MYO5C: variants seen among roughly 807,000 people sequenced by gnomAD.
MYO5C encodes unconventional myosin-Vc.
MYO5C carries 194 observed loss-of-function variants against 235.7 expected under a neutral mutation model. That is an observed-to-expected ratio of 0.82 (90% CI 0.73 to 0.93). The LOEUF is 0.93. Ranked by LOEUF, MYO5C falls within the 40% of genes least tolerant of loss-of-function variation. The pLI is 0.00. For missense variants in MYO5C, 2,038 were observed against 2,127.2 expected (o/e 0.96, Z 0.82); for synonymous variants, 707 against 754.8 (o/e 0.94, Z 1.04).
intron 38 of MYO5C, among the ~76,000 whole-genome samples, chr15:52,203,546 A>C (rs920139596): frequency 6.6e-6 from 1 of 151,868 alleles, no homozygotes; most frequent in African/African-American, 2.4e-5. Context: ...GGGTTTTGCC[A>C]TGTTGGCCAG....
At chr15:52,229,667 A>G (rs1479910859) in intron 24 of MYO5C, among the ~76,000 whole-genome samples, 5 of 152,230 alleles carry the variant, frequency 3.3e-5, no homozygotes, top group Admixed American at 1.3e-4. Context: ...AATTGTCTCT[A>G]CAGTCTTTAC....
intron 8 of MYO5C, chr15:52,265,248 T>C (rs4448882): frequency 0.95 from 144,776 of 152,398 alleles, 69,174 homozygotes; most frequent in Non-Finnish European, 1. Context: ...GAAAACCAGC[T>C]GCTAGAAAGG....
At position 52,277,197 on chromosome 15, in the gene MYO5C, C is replaced by A. The variant is rs749505628; in HGVS notation, c.450-1479G>T. ...GTTCTACAGCCCTGAGGGACACTAC[C>A]TGTCTAGCATCAAACAAGGCCAACA... On this transcript the variant is annotated intron_variant, in intron 4 of 40. Coordinates refer to ENST00000261839, the MANE Select transcript of MYO5C (RefSeq NM_018728.4). 4 of 530,658 alleles carry A rather than the reference C, an allele frequency of 7.5e-6. No individual in the cohort carries two copies. In the East Asian group the frequency reaches 2.2e-4, roughly 29 times the overall value. The allele number at this position is 530,658 out of a possible 1,614,324, so 32.9% of individuals were successfully genotyped here.
In MYO5C at chr15:52,232,141, GAGGAAGGAA is replaced by G. The variant is rs1276197585; in HGVS notation, c.3026+472_3026+480del. On this transcript the variant is annotated intron_variant, in intron 24 of 40. Transcript: ENST00000261839. Reference sequence around the variant, plus strand: ...AAGAAAGAGAAAAGAAAGAAAAGGAGAGGAAGGAAAGGAAGGAAAGGAAGGGAAGGAAGG... The same window carrying G: ...AAGAAAGAGAAAAGAAAGAAAAGGAGAGGAAGGAAAGGAAGGGAAGGAAGG... Among the ~76,000 whole-genome samples, 418 of 79,696 alleles carry G rather than the reference GAGGAAGGAA, an allele frequency of 5.2e-3. 28 individuals carry two copies. The highest frequency in any genetic ancestry group is 0.037 in the Middle Eastern group (5 of 136). The allele number at this position is 79,696 out of a possible 152,430, so 52.3% of individuals were successfully genotyped here.
chr15:52,233,297 A>AAAT (rs1364145771), intron 23 of MYO5C, among the ~76,000 whole-genome samples: 3 of 12,088 alleles, frequency 2.5e-4, no homozygotes, highest in African/African-American at 3.5e-4. Flanking sequence ...AAAAAAAAAA[A>AAAT]TTAAAAAAAA....
intron 8 of MYO5C, among the ~76,000 whole-genome samples, chr15:52,267,822 G>A (rs998708743): frequency 2.0e-5 from 3 of 152,142 alleles, no homozygotes; most frequent in African/African-American, 7.2e-5. Flanking sequence ...CATAATAGAG[G>A]TGGGAGAGAG....
At chr15:52,295,553 G>C in intron 1 of MYO5C, 57 bp downstream of exon 1, 2 of 1,494,882 alleles carry the variant, frequency 1.3e-6, no homozygotes, top group Non-Finnish European at 1.8e-6. Flanking sequence ...GGTCGAGTCA[G>C]CGTTAGCAGG....
In MYO5C at chr15:52,264,406, G is replaced by A. The variant is rs1223893963; in HGVS notation, c.941-110C>T. On this transcript the variant is annotated intron_variant, in intron 8 of 40. Transcript: ENST00000261839. Reference sequence around the variant, plus strand: ...CAGGTAGCATCAGTGCCAAGCTCTGGGACAGGAACGTGAAGTGGACCCCAG... The same window carrying A: ...CAGGTAGCATCAGTGCCAAGCTCTGAGACAGGAACGTGAAGTGGACCCCAG... 13 of 851,532 alleles carry A rather than the reference G, an allele frequency of 1.5e-5. No homozygotes were observed. The East Asian group carries it at 3.4e-4, about 23-fold the overall frequency. The allele number at this position is 851,532 out of a possible 1,614,324, so 52.7% of individuals were successfully genotyped here. A position where few individuals can be genotyped will look rare whatever the true frequency, so the allele number is the denominator to read the frequency against.
At position 52,269,756 on chromosome 15, in the gene MYO5C, GA is replaced by G; in HGVS notation, c.936del (p.Leu313TrpfsTer43). ...EMVETQKTFT[L>X]LGFKEDFQMD... ...TGGATGGGATATTTTCCCTTACCCA[GA>G]AGCGTGAAGGTCTTTTGAGTCTCTA... On this transcript the variant is annotated frameshift_variant, in exon 8 of 41. Transcript: ENST00000261839. LOFTEE classifies it high-confidence loss of function. The G allele has an allele frequency of 6.2e-7, 1 of 1,601,220 alleles. No individual in the cohort carries two copies. Among genetic ancestry groups the G allele is most frequent in the Non-Finnish European group, 8.6e-7 (1 of 1,169,224 alleles).
chr15:52,276,976 G>A (rs1446935717), intron 4 of MYO5C: 1 of 391,336 alleles, frequency 2.6e-6, no homozygotes, highest in South Asian at 1.9e-5. Flanking sequence ...AGAGTAAAAT[G>A]GTGACTCAGG....
At chr15:52,200,466 G>T (rs553823054) in intron 38 of MYO5C, among the ~76,000 whole-genome samples, 1 of 152,252 alleles carries the variant, frequency 6.6e-6, no homozygotes, top group African/African-American at 2.4e-5. Flanking sequence ...TACTTGGGAG[G>T]CTGAGGCACG....
chr15:52,260,256 T>G (rs1025306922), intron 10 of MYO5C, among the ~76,000 whole-genome samples: 1 of 152,176 alleles, frequency 6.6e-6, no homozygotes, highest in Non-Finnish European at 1.5e-5. Context: ...GGAGGAGGGC[T>G]GGGGAAAATC....
In MYO5C at chr15:52,278,862, C is replaced by T. The variant is rs2037104741; in HGVS notation, c.449+11G>A. On this transcript the variant is annotated intron_variant, in intron 4 of 40. Transcript: ENST00000261839. ...CAGAGCAAGGGGAAGTCCAGCTTGG[C>T]AGGAAGCTACCTGGCCATCTGCTTG... 1.2e-6 allele frequency: 2 copies of T among 1,613,078 alleles called. No individual in the cohort carries two copies. The highest frequency in any genetic ancestry group is 2.7e-5 in the African/African-American group (2 of 75,008).
In MYO5C at chr15:52,275,640, C is replaced by T; in HGVS notation, c.528G>A (p.Arg176=). 1 of 1,614,172 alleles carries T rather than the reference C, an allele frequency of 6.2e-7. No individual in the cohort carries two copies. The highest frequency in any genetic ancestry group is 8.5e-7 in the Non-Finnish European group (1 of 1,180,024). ...CCGATTTGCTGACGGTGGCAAAGTACCTCATGGCATAGCGAGCCGACACTG... is the reference window on the plus strand; with the variant it reads ...CCGATTTGCTGACGGTGGCAAAGTATCTCATGGCATAGCGAGCCGACACTG... ...GKTVSARYAM[R]YFATVSKSGS... Residue 176 remains arginine, a synonymous_variant, in exon 5 of 41, where the codon AGG becomes AGA. Coordinates refer to ENST00000261839, the MANE Select transcript of MYO5C (RefSeq NM_018728.4).
At chr15:52,272,534 G>A in intron 6 of MYO5C, 46 bp downstream of exon 6, 2 of 1,594,804 alleles carry the variant, frequency 1.3e-6, no homozygotes, top group Non-Finnish European at 1.7e-6. Flanking sequence ...GTATGTAAAT[G>A]TAAATAATGC....
intron 8 of MYO5C, among the ~76,000 whole-genome samples, chr15:52,266,200 G>C (rs957604318): frequency 4.6e-5 from 2 of 43,892 alleles, no homozygotes; most frequent in African/African-American, 1.1e-4. Context: ...CAAGACCTGC[G>C]TTAAGTAATC....
At position 52,193,032 on chromosome 15, in the gene MYO5C, T is replaced by C. The variant is rs374446673; in HGVS notation, c.*870A>G. On this transcript the variant is annotated 3_prime_UTR_variant, in exon 41 of 41. Coordinates refer to ENST00000261839, the MANE Select transcript of MYO5C (RefSeq NM_018728.4). Reference sequence around the variant, plus strand: ...TGAACACTCTTAAAAATTAAAAGGGTCAGCCGGGCGCGGTGGCACACGCCT... The same window carrying C: ...TGAACACTCTTAAAAATTAAAAGGGCCAGCCGGGCGCGGTGGCACACGCCT... The C allele has an allele frequency of 1.3e-5, 2 of 151,990 alleles. No individual in the cohort carries two copies. Among genetic ancestry groups the C allele is most frequent in the African/African-American group, 4.8e-5 (2 of 41,386 alleles). The allele number at this position is 151,990 out of a possible 1,614,324, so 9.4% of individuals were successfully genotyped here.
At chr15:52,242,324 C>T (rs1033576153) in intron 19 of MYO5C, 111 bp from the exon 20 acceptor site, 14 of 1,139,058 alleles carry the variant, frequency 1.2e-5, no homozygotes, top group Non-Finnish European at 1.4e-5. Flanking sequence ...AAATATTTTA[C>T]ACCTCTCCAC....
At chr15:52,234,523 G>A (rs1415165807) in intron 23 of MYO5C, among the ~76,000 whole-genome samples, 3 of 152,170 alleles carry the variant, frequency 2.0e-5, no homozygotes, top group Non-Finnish European at 4.4e-5. Context: ...AGAGGAGTGT[G>A]CTGTAATAAA....
Sources: allele counts gnomAD v4.1 joint callset (sites outside exome capture counted in the v4.1 genomes callset), GRCh38; gene constraint gnomAD v4.1.1; transcripts MANE v1.5; gene names NCBI Gene and HGNC (gene_info 2026-07-23, HGNC 2026-07-21).